Variants in PSMG2 observed in about 807,000 individuals in gnomAD.
The protein encoded by PSMG2 is CD40 ligand-activated specific transcript 3.
A neutral mutation model predicts 31.5 loss-of-function variants in PSMG2; 21 were observed. That is an observed-to-expected ratio of 0.67 (90% CI 0.47 to 0.96). The LOEUF (loss-of-function observed/expected upper bound fraction) is 0.96, where lower values mean the gene tolerates loss of function less well. Among genes scored for constraint, PSMG2 ranks in the 40% least tolerant of loss-of-function variants. The probability of loss-of-function intolerance (pLI) is 0.00; values close to 1 mark genes in which losing one functional copy is unlikely to be tolerated. For synonymous variants in PSMG2, 120 were observed against 110.4 expected (o/e 1.09, Z -0.54); for missense variants, 318 against 321.2 (o/e 0.99, Z 0.08).
In PSMG2 at chr18:12,716,852, A is replaced by T. The variant is rs1009550171; in HGVS notation, c.289-1665A>T. Among the ~76,000 whole-genome samples, 4 of 152,118 alleles carry T rather than the reference A, an allele frequency of 2.6e-5. No homozygotes were observed. The East Asian group carries it at 5.8e-4, about 22-fold the overall frequency. Reference sequence around the variant, plus strand: ...TTTCAAAGGAAACACTGAAGTACAGAAAGATTAAGCAATTGCCTGACACAT... The same window carrying T: ...TTTCAAAGGAAACACTGAAGTACAGTAAGATTAAGCAATTGCCTGACACAT... On this transcript the variant is annotated intron_variant, in intron 3 of 6. Coordinates refer to ENST00000317615, the MANE Select transcript of PSMG2 (RefSeq NM_020232.5).
At chr18:12,664,637 G>A (rs1487623299) in intron 1 of PSMG2, among the ~76,000 whole-genome samples, 3 of 151,778 alleles carry the variant, frequency 2.0e-5, no homozygotes, top group Non-Finnish European at 4.4e-5. Flanking sequence ...CTCCCGCCTT[G>A]GCCTCCCAAA....
upstream of PSMG2, chr18:12,698,738 T>A (rs938350711): frequency 3.3e-5 from 17 of 508,494 alleles, no homozygotes; most frequent in Middle Eastern, 5.2e-4. Context: ...GGTATTTAAG[T>A]GTGTATTACT....
chr18:12,724,652 G>A (rs1443507543), intron 6 of PSMG2, 33 bp downstream of exon 6: 1 of 1,549,184 alleles, frequency 6.5e-7, no homozygotes, highest in East Asian at 2.4e-5. Flanking sequence ...CCTCTTCTTT[G>A]TCTGGTTGTA....
At chr18:12,702,983 C>T, upstream of PSMG2, 1 of 1,094,284 alleles carries the variant, frequency 9.1e-7, no homozygotes, top group Non-Finnish European at 1.3e-6. Flanking sequence ...AAGGGCCCGG[C>T]GCCCAGGGAC....
chr18:12,665,833 G>A (rs1017871574), intron 1 of PSMG2, among the ~76,000 whole-genome samples: 2 of 152,054 alleles, frequency 1.3e-5, no homozygotes, highest in South Asian at 2.1e-4. Flanking sequence ...GAGTAGCTGC[G>A]ATTACAGATC....
At chr18:12,678,704 C>A (rs1329030890) in intron 1 of PSMG2, among the ~76,000 whole-genome samples, 1 of 151,976 alleles carries the variant, frequency 6.6e-6, no homozygotes, top group African/African-American at 2.4e-5. Context: ...TGCGGTAGTC[C>A]CAGCACTTTG....
intron 4 of PSMG2, 86 bp downstream of exon 4, chr18:12,718,721 C>G: frequency 2.1e-6 from 2 of 962,754 alleles, no homozygotes; most frequent in Non-Finnish European, 1.5e-6. Flanking sequence ...TTAAAAGCCA[C>G]GTAGATCCTT....
At chr18:12,724,322 T>C in intron 5 of PSMG2, 177 bp from the exon 6 acceptor site, 1 of 575,346 alleles carries the variant, frequency 1.7e-6, no homozygotes. Flanking sequence ...TACAGGGGCC[T>C]GCTCTCACAA....
intron 2 of PSMG2, among the ~76,000 whole-genome samples, chr18:12,707,531 C>T (rs1413413741): frequency 6.6e-6 from 1 of 152,186 alleles, no homozygotes; most frequent in Non-Finnish European, 1.5e-5. Context: ...TTGCCTGATG[C>T]CACTAATAGG....
At chr18:12,710,497 T>C (rs1448697045) in intron 2 of PSMG2, among the ~76,000 whole-genome samples, 1 of 152,224 alleles carries the variant, frequency 6.6e-6, no homozygotes, top group Non-Finnish European at 1.5e-5. Flanking sequence ...CCGATTGTTG[T>C]GCTGTGCCCT....
chr18:12,678,725 G>A (rs1321848626), intron 1 of PSMG2, among the ~76,000 whole-genome samples: 1 of 151,942 alleles, frequency 6.6e-6, no homozygotes, highest in East Asian at 1.9e-4. Flanking sequence ...GGAGGCCGAG[G>A]CAGGGGGATC....
intron 1 of PSMG2, among the ~76,000 whole-genome samples, chr18:12,688,036 G>A (rs1164801336): frequency 6.6e-6 from 1 of 151,856 alleles, no homozygotes; most frequent in Non-Finnish European, 1.5e-5. Context: ...GAGGTCAGGA[G>A]ATCAATTCCA....
At chr18:12,695,313 T>G (rs894217732) in intron 1 of PSMG2, 8 of 1,570,830 alleles carry the variant, frequency 5.1e-6, no homozygotes, top group African/African-American at 1.4e-5. Context: ...ATTTCAAGTT[T>G]TATATTTAAA....
At chr18:12,690,029 T>C (rs1389963967) in intron 1 of PSMG2, among the ~76,000 whole-genome samples, 1 of 152,190 alleles carries the variant, frequency 6.6e-6, no homozygotes, top group East Asian at 1.9e-4. Flanking sequence ...CCTCAGAGGA[T>C]CCACCTGCCT....
chr18:12,688,101 C>T (rs915943699), intron 1 of PSMG2, among the ~76,000 whole-genome samples: 30 of 151,654 alleles, frequency 2.0e-4, no homozygotes, highest in African/African-American at 7.3e-4. Context: ...AAAAATTAGC[C>T]AGGCATGTGG....
At chr18:12,700,872 A>T, upstream of PSMG2, 3 of 1,095,136 alleles carry the variant, frequency 2.7e-6, no homozygotes, top group Non-Finnish European at 3.9e-6. Context: ...CTAAAACGAA[A>T]GGCCCCACAT....
chr18:12,711,780 G>A (rs2040334738), intron 2 of PSMG2, among the ~76,000 whole-genome samples: 2 of 130,114 alleles, frequency 1.5e-5, no homozygotes, highest in Non-Finnish European at 1.6e-5. Flanking sequence ...TTGAGATGGA[G>A]TCTTGTTCTG....
At chr18:12,715,175 A>AT (rs1186479754) in intron 3 of PSMG2, among the ~76,000 whole-genome samples, 1 of 145,616 alleles carries the variant, frequency 6.9e-6, no homozygotes, top group African/African-American at 2.5e-5. Context: ...CACCTGGCTA[A>AT]TTTTTGTATT....
chr18:12,717,916 T>C (rs146338559), intron 3 of PSMG2, among the ~76,000 whole-genome samples: 37 of 152,310 alleles, frequency 2.4e-4, no homozygotes, highest in Non-Finnish European at 5.0e-4. Flanking sequence ...ATTACTCAAG[T>C]AGAGAACTGG....
Sources: gnomAD v4.1 joint callset for allele counts (sites outside exome capture counted in the v4.1 genomes callset) on GRCh38, gnomAD v4.1.1 for gene constraint, MANE v1.5 for transcripts, NCBI Gene and HGNC (gene_info 2026-07-23, HGNC 2026-07-21) for gene names.